Variants in SCLT1 observed in about 807,000 individuals in gnomAD.
The protein encoded by SCLT1 is sodium channel-associated protein 1.
SCLT1 carries 78 observed loss-of-function variants against 112.8 expected under a neutral mutation model. That is an observed-to-expected ratio of 0.69 (90% CI 0.58 to 0.83). SCLT1 has a LOEUF of 0.83. Ranked by LOEUF, SCLT1 falls within the 40% of genes least tolerant of loss-of-function variation. The pLI, the probability that SCLT1 is intolerant of heterozygous loss-of-function variation, is 0.00. For missense variants in SCLT1, 747 were observed against 770.4 expected (o/e 0.97, Z 0.36); for synonymous variants, 257 against 254.7 (o/e 1.01, Z -0.09).
chr4:128,922,685 C>T (rs945189752), intron 18 of SCLT1, among the ~76,000 whole-genome samples: 1 of 152,110 alleles, frequency 6.6e-6, no homozygotes, highest in African/African-American at 2.4e-5. Context: ...AGAAAACTAT[C>T]AAGTACTATG....
chr4:129,062,517 AT>A (rs1408492766), intron 2 of SCLT1, among the ~76,000 whole-genome samples: 1 of 152,164 alleles, frequency 6.6e-6, no homozygotes, highest in Non-Finnish European at 1.5e-5. Context: ...CAATATTTTA[AT>A]AAGTAGTATC....
intron 9 of SCLT1, among the ~76,000 whole-genome samples, chr4:128,974,800 T>C (rs561324177): frequency 6.6e-6 from 1 of 152,224 alleles, no homozygotes; most frequent in African/African-American, 2.4e-5. Context: ...GTGTATGTAA[T>C]TTTATAAAAG....
At chr4:129,052,384 T>C (rs1213165444) in intron 2 of SCLT1, among the ~76,000 whole-genome samples, 1 of 152,234 alleles carries the variant, frequency 6.6e-6, no homozygotes, top group Non-Finnish European at 1.5e-5. Context: ...GGCTATTAAT[T>C]ACTGCCTCAA....
intron 5 of SCLT1, among the ~76,000 whole-genome samples, chr4:129,026,734 A>T (rs918501833): frequency 6.6e-6 from 1 of 152,184 alleles, no homozygotes; most frequent in African/African-American, 2.4e-5. Flanking sequence ...GACACAAAAA[A>T]CCCTTCAAAA....
chr4:129,080,788 C>T (rs1276626081), intron 2 of SCLT1, among the ~76,000 whole-genome samples: 2 of 152,056 alleles, frequency 1.3e-5, no homozygotes, highest in Non-Finnish European at 2.9e-5. Flanking sequence ...TATATCAGTC[C>T]ATTCTCACAC....
intron 2 of SCLT1, among the ~76,000 whole-genome samples, chr4:129,065,589 T>C (rs1750406112): frequency 1.3e-5 from 2 of 151,696 alleles, no homozygotes; most frequent in Admixed American, 1.3e-4. Flanking sequence ...TGTGTTCCAA[T>C]AAATCTCTAT....
At chr4:129,055,610 G>T (rs1749294963) in intron 2 of SCLT1, among the ~76,000 whole-genome samples, 1 of 152,054 alleles carries the variant, frequency 6.6e-6, no homozygotes, top group African/African-American at 2.4e-5. Context: ...AGTAATGGTG[G>T]ATGCCCCTCC....
intron 13 of SCLT1, among the ~76,000 whole-genome samples, chr4:128,956,033 T>C (rs1177251363): frequency 2.6e-5 from 4 of 152,204 alleles, no homozygotes; most frequent in African/African-American, 9.7e-5. Flanking sequence ...ACATGTTGAG[T>C]TTCAGATGCC....
intron 2 of SCLT1, 81 bp downstream of exon 2, chr4:129,082,225 C>T: frequency 1.7e-6 from 1 of 574,542 alleles, no homozygotes; most frequent in Non-Finnish European, 3.0e-6. Flanking sequence ...TTACAGGAAT[C>T]AAAGTTGTAA....
intron 18 of SCLT1, among the ~76,000 whole-genome samples, chr4:128,916,547 A>G (rs1735487704): frequency 6.6e-6 from 1 of 152,208 alleles, no homozygotes; most frequent in Admixed American, 6.5e-5. Flanking sequence ...GAAAAAGCTA[A>G]AAGACTTGAA....
chr4:128,992,368 A>G, intron 8 of SCLT1, 131 bp from the exon 9 acceptor site: 1 of 574,566 alleles, frequency 1.7e-6, no homozygotes, highest in Non-Finnish European at 2.9e-6. Context: ...TTTTGAGGGT[A>G]AAACATAACC....
intron 9 of SCLT1, among the ~76,000 whole-genome samples, chr4:128,978,168 T>C (rs767428744): frequency 6.6e-6 from 1 of 152,144 alleles, no homozygotes; most frequent in Non-Finnish European, 1.5e-5. Flanking sequence ...GTTCCATGTA[T>C]AAGATTTCTT....
At chr4:129,003,571 C>G (rs1461785877) in intron 6 of SCLT1, among the ~76,000 whole-genome samples, 170 bp downstream of exon 6, 1 of 151,870 alleles carries the variant, frequency 6.6e-6, no homozygotes, top group Non-Finnish European at 1.5e-5. Context: ...ACGTTTCTAA[C>G]AGTGAGGGTA....
At chr4:129,055,370 A>C (rs932373030) in intron 2 of SCLT1, among the ~76,000 whole-genome samples, 2 of 152,182 alleles carry the variant, frequency 1.3e-5, no homozygotes, top group Admixed American at 1.3e-4. Context: ...ATTCCACTGA[A>C]GCTACAACCA....
At chr4:128,894,103 C>A (rs1733543604) in intron 18 of SCLT1, among the ~76,000 whole-genome samples, 1 of 151,982 alleles carries the variant, frequency 6.6e-6, no homozygotes, top group African/African-American at 2.4e-5. Context: ...TCATGCCCGG[C>A]TAGTTTTTTT....
At chr4:128,949,161 T>A (rs1738466595) in intron 14 of SCLT1, among the ~76,000 whole-genome samples, 1 of 151,540 alleles carries the variant, frequency 6.6e-6, no homozygotes, top group East Asian at 1.9e-4. Context: ...TATTAGTTCT[T>A]CACAATTATT....
At chr4:128,911,688 T>G (rs576313927) in intron 18 of SCLT1, among the ~76,000 whole-genome samples, 1 of 152,348 alleles carries the variant, frequency 6.6e-6, no homozygotes, top group Admixed American at 6.5e-5. Flanking sequence ...CATATTTAAT[T>G]GTCAGTTGCG....
intron 20 of SCLT1, among the ~76,000 whole-genome samples, chr4:128,886,513 C>G (rs1388751660): frequency 6.6e-6 from 1 of 152,026 alleles, no homozygotes; most frequent in Non-Finnish European, 1.5e-5. Context: ...GTCTTACAAA[C>G]AAAGTTGATC....
At chr4:128,960,642 C>T (rs1165168766) in intron 11 of SCLT1, among the ~76,000 whole-genome samples, 4 of 152,096 alleles carry the variant, frequency 2.6e-5, no homozygotes, top group South Asian at 2.1e-4. Context: ...TAAATTAGGC[C>T]GGGCGCGGTG....
Sources: gnomAD v4.1 joint callset for allele counts (sites outside exome capture counted in the v4.1 genomes callset) on GRCh38, gnomAD v4.1.1 for gene constraint, MANE v1.5 for transcripts, NCBI Gene and HGNC (gene_info 2026-07-23, HGNC 2026-07-21) for gene names.